MCF2L2: variants seen among roughly 807,000 people sequenced by gnomAD.
The protein encoded by MCF2L2 is MCF.2 cell line derived transforming sequence-like 2.
Under a neutral mutation model 150.2 loss-of-function variants are expected in MCF2L2, and 102 were observed. The ratio of observed to expected loss-of-function variants is 0.68; its 90% CI spans 0.58 to 0.80. The LOEUF is 0.80. Ranked by LOEUF, MCF2L2 falls within the 30% of genes least tolerant of loss-of-function variation. The probability of loss-of-function intolerance (pLI) is 0.00; values close to 1 mark genes in which losing one functional copy is unlikely to be tolerated. For missense variants in MCF2L2, 1,256 were observed against 1,372.8 expected (o/e 0.91, Z 1.34); for synonymous variants, 465 against 491.3 (o/e 0.95, Z 0.71).
At chr3:183,398,366 T>C (rs1376135930) in intron 1 of MCF2L2, among the ~76,000 whole-genome samples, 2 of 152,138 alleles carry the variant, frequency 1.3e-5, no homozygotes, top group African/African-American at 4.8e-5. Flanking sequence ...ACCCACAAGA[T>C]AGAGGCAGCC....
chr3:183,382,817 T>C (rs1286567952), intron 2 of MCF2L2, among the ~76,000 whole-genome samples: 1 of 152,164 alleles, frequency 6.6e-6, no homozygotes, highest in Admixed American at 6.5e-5. Flanking sequence ...CATAAGGTGA[T>C]TGCTGAAAGG....
chr3:183,313,534 G>C (rs548989091), intron 7 of MCF2L2, among the ~76,000 whole-genome samples: 31 of 152,308 alleles, frequency 2.0e-4, no homozygotes, highest in African/African-American at 7.2e-4. Flanking sequence ...GGGTCAACTT[G>C]AGTAGGGTTA....
At chr3:183,301,511 A>G (rs1728845871) in intron 10 of MCF2L2, among the ~76,000 whole-genome samples, 1 of 152,150 alleles carries the variant, frequency 6.6e-6, no homozygotes. Context: ...GCCTGAGACT[A>G]GGCCGGGCTG....
At chr3:183,198,905 C>T (rs1722162853) in intron 25 of MCF2L2, among the ~76,000 whole-genome samples, 1 of 152,164 alleles carries the variant, frequency 6.6e-6, no homozygotes, top group African/African-American at 2.4e-5. Context: ...CTCTAGGACA[C>T]TCCTACTCAA....
intron 27 of MCF2L2, among the ~76,000 whole-genome samples, chr3:183,189,261 A>G (rs1721797726): frequency 6.6e-6 from 1 of 152,114 alleles, no homozygotes. Flanking sequence ...CACTAACTGG[A>G]CTTCTGCTAT....
chr3:183,260,185 G>A (rs917748071), intron 15 of MCF2L2, among the ~76,000 whole-genome samples: 1 of 152,056 alleles, frequency 6.6e-6, no homozygotes, highest in Non-Finnish European at 1.5e-5. Context: ...CGATGCCTCA[G>A]TATCTTCTGC....
intron 2 of MCF2L2, among the ~76,000 whole-genome samples, chr3:183,383,994 C>T (rs1226519639): frequency 6.6e-6 from 1 of 152,132 alleles, no homozygotes; most frequent in Non-Finnish European, 1.5e-5. Flanking sequence ...CTGTCTGCTC[C>T]CCAGACACGC....
At chr3:183,292,497 G>C (rs978950184) in intron 13 of MCF2L2, among the ~76,000 whole-genome samples, 6 of 151,640 alleles carry the variant, frequency 4.0e-5, no homozygotes, top group Non-Finnish European at 8.8e-5. Flanking sequence ...ACACAAGATA[G>C]TAATTCAAAT....
Position 183,224,106 on chromosome 3 carries a change from A to G in MCF2L2, c.2200T>C (p.Tyr734His). 1 of 1,613,214 alleles carries G rather than the reference A, an allele frequency of 6.2e-7. No homozygotes were observed. The highest frequency in any genetic ancestry group is 8.5e-7 in the Non-Finnish European group (1 of 1,179,160). The change falls in exon 19 of 30, where the codon TAC becomes CAC. Residue 734 changes from tyrosine (Y) to histidine (H), a missense_variant. Tyr to His is a moderately conservative substitution (Grantham distance 83). Transcript: ENST00000328913. ...TGTCTTCTCAACATTACCCCAAAGT[A>G]GGCGCAGTCTTGACACTCTTGCCAG... is the stretch of plus-strand genomic sequence containing the variant. The part of the protein sequence containing the change: ...AIWQECQDCA[Y>H]FGVCQRQLDH...
At chr3:183,423,632 G>GTTTTTTT (rs34400256) in intron 1 of MCF2L2, among the ~76,000 whole-genome samples, 8 of 92,036 alleles carry the variant, frequency 8.7e-5, no homozygotes, top group Admixed American at 1.4e-4. Flanking sequence ...AATTTTATTT[G>GTTTTTTT]TTTTTTTTTT....
rs1721527152 is a variant in MCF2L2, at chr3:183,181,676, G to A, written c.3017-1517C>T. Reference sequence around the variant, plus strand: ...GTGATGGAGGGATAGAGGGACAGAGGGAGCCATGCCCTTGACCATCCCCTG... The same window carrying A: ...GTGATGGAGGGATAGAGGGACAGAGAGAGCCATGCCCTTGACCATCCCCTG... On this transcript the variant is annotated intron_variant, in intron 27 of 29. Transcript: ENST00000328913. This position sits in a 1 kb window ranked among gnomAD's most constrained non-coding sequence, Gnocchi z 4.3. Among the ~76,000 whole-genome samples the A allele has an allele frequency of 1.3e-5, 2 of 152,274 alleles. No individual in the cohort carries two copies. Among genetic ancestry groups the A allele is most frequent in the East Asian group, 1.9e-4 (1 of 5,166 alleles).
intron 3 of MCF2L2, among the ~76,000 whole-genome samples, chr3:183,345,717 A>G (rs996346373): frequency 1.3e-5 from 2 of 152,206 alleles, no homozygotes; most frequent in Non-Finnish European, 2.9e-5. Flanking sequence ...AATAGACACA[A>G]TAAAAAGTGA....
chr3:183,355,602 A>G (rs1171717075), intron 3 of MCF2L2, among the ~76,000 whole-genome samples: 2 of 119,740 alleles, frequency 1.7e-5, no homozygotes, highest in African/African-American at 3.4e-5. Flanking sequence ...GCCCGCCACC[A>G]CGCCCAGCTA....
In MCF2L2 at chr3:183,310,915, C is replaced by T. The variant is rs1729345194; in HGVS notation, c.993G>A (p.Lys331=). The change falls in exon 9 of 30, where the codon AAG becomes AAA. Residue 331 remains lysine (K), a splice_region_variant and synonymous_variant. Coordinates refer to ENST00000328913, the MANE Select transcript of MCF2L2 (RefSeq NM_015078.4). The part of the protein sequence containing the change: ...QLQHFEHDFC[K]AKLALDNLLE... ...GTTACAGTAAACAAGAAAAGAATAC[C>T]TTACAAAAATCGTGCTCAAAATGCT... 1 of 1,608,326 alleles carries T rather than the reference C, an allele frequency of 6.2e-7. No individual in the cohort carries two copies. The highest frequency in any genetic ancestry group is 8.5e-7 in the Non-Finnish European group (1 of 1,175,598).
chr3:183,351,462 T>C (rs2108553719), intron 3 of MCF2L2, among the ~76,000 whole-genome samples: 1 of 151,986 alleles, frequency 6.6e-6, no homozygotes, highest in East Asian at 1.9e-4. Flanking sequence ...GAGTCAAATG[T>C]AGGGTGACAA....
chr3:183,271,266 G>A, intron 15 of MCF2L2: 1 of 188,184 alleles, frequency 5.3e-6, no homozygotes, highest in Non-Finnish European at 1.2e-5. Context: ...TAGAATAATT[G>A]CTTTTGGAAA....
intron 3 of MCF2L2, among the ~76,000 whole-genome samples, chr3:183,361,118 A>ACAAGACAAGACAAGACAAG (rs1560040381): frequency 2.0e-5 from 3 of 147,718 alleles, no homozygotes; most frequent in East Asian, 1.9e-4. Context: ...AAGAAAAAAG[A>ACAAGACAAGACAAGACAAG]AAAAGAAAAG....
chr3:183,295,581 A>C (rs1489049120), intron 12 of MCF2L2, 104 bp from the exon 13 acceptor site: 3 of 1,127,626 alleles, frequency 2.7e-6, no homozygotes, highest in African/African-American at 1.6e-5. Context: ...CCCCATCCCT[A>C]CCTCCCTCAG....
chr3:183,385,405 G>C (rs1713773103), intron 2 of MCF2L2, among the ~76,000 whole-genome samples: 1 of 152,220 alleles, frequency 6.6e-6, no homozygotes, highest in African/African-American at 2.4e-5. Context: ...TTTCAGTTAG[G>C]AGCCTCCCAC....
Sources: gnomAD v4.1 joint callset for allele counts (sites outside exome capture counted in the v4.1 genomes callset) on GRCh38, gnomAD v4.1.1 for gene constraint, Gnocchi (gnomAD v3.1) non-coding constraint, MANE v1.5 for transcripts, NCBI Gene and HGNC (gene_info 2026-07-23, HGNC 2026-07-21) for gene names.